SMTN: variants seen among roughly 807,000 people sequenced by gnomAD.
SMTN encodes the protein smoothelin.
In SMTN, 58 loss-of-function variants were observed where a neutral mutation model predicts 102.0. The ratio of observed to expected loss-of-function variants is 0.57; its 90% CI spans 0.46 to 0.71. The LOEUF is 0.71. SMTN is among the 30% of genes least tolerant of loss of function. The pLI is 0.00. For synonymous variants in SMTN, 478 were observed against 497.9 expected (o/e 0.96, Z 0.53); for missense variants, 1,185 against 1,241.7 (o/e 0.95, Z 0.69).
upstream of SMTN, among the ~76,000 whole-genome samples, chr22:31,079,094 C>T (rs1320204359): frequency 6.6e-6 from 1 of 152,202 alleles, no homozygotes; most frequent in African/African-American, 2.4e-5. Flanking sequence ...TCAGAGTGTA[C>T]CTATCTTGCA....
In SMTN at chr22:31,088,583, G is replaced by C. The variant is rs376723628; in HGVS notation, c.271G>C (p.Asp91His). Residue 91 changes from aspartate (D) to histidine (H), a missense_variant, in exon 4 of 21, where the codon GAT becomes CAT. Physicochemically the swap from Asp to His is moderately conservative, Grantham distance 81. This residue lies in a region of SMTN where 1,096 missense variants were observed against 1,112.7 expected (regional missense o/e 0.98). Coordinates refer to ENST00000333137, the MANE Select transcript of SMTN (RefSeq NM_134269.3). ...RLAGQLESMN[D>H]VEELTALLRS... ...GGCAGGGCAGCTGGAGTCCATGAACGATGTGGAGGAATTGACTGCACTGGT... is the reference window on the plus strand; with the variant it reads ...GGCAGGGCAGCTGGAGTCCATGAACCATGTGGAGGAATTGACTGCACTGGT... 4 of 1,613,790 alleles carry C rather than the reference G, an allele frequency of 2.5e-6. No homozygotes were observed. In the African/African-American group the frequency reaches 5.3e-5, roughly 22 times the overall value.
At chr22:31,082,862 G>C in intron 1 of SMTN, 2 of 1,533,522 alleles carry the variant, frequency 1.3e-6, no homozygotes, top group Non-Finnish European at 1.8e-6. Context: ...GGTGGGTCTT[G>C]CCAGGCCCTG....
rs1332140442 is a variant in SMTN at position 31,083,210 on chromosome 22, C to T, written c.-49C>T. 8.2e-6 allele frequency: 13 copies of T among 1,588,764 alleles called. No homozygotes were observed. The highest frequency in any genetic ancestry group is 4.0e-5 in the African/African-American group (3 of 74,838). ...CTGAGCTGGTGACAGGTGCCACAGG[C>T]ACTGGGGATCTCACCAGAAAGGAAC... On this transcript the variant is annotated 5_prime_UTR_variant, in exon 2 of 21. Coordinates refer to ENST00000333137, the MANE Select transcript of SMTN (RefSeq NM_134269.3).
chr22:31,083,116 G>A (rs1209607608), intron 1 of SMTN, 63 bp from the exon 2 acceptor site: 1 of 1,543,956 alleles, frequency 6.5e-7, no homozygotes, highest in Admixed American at 2.0e-5. Context: ...GTAAGGCACA[G>A]AGCCTAAGTG....
At chr22:31,085,187 T>G in intron 2 of SMTN, 1 of 1,535,456 alleles carries the variant, frequency 6.5e-7, no homozygotes, top group Non-Finnish European at 8.7e-7. Flanking sequence ...CTCAGCTGGG[T>G]GTCCTGGGGA....
Position 31,104,507 on chromosome 22 carries a change from C to G in SMTN, c.*212C>G. The G allele has an allele frequency of 6.2e-7, 1 of 1,603,464 alleles. No homozygotes were observed. The highest frequency in any genetic ancestry group is 8.5e-7 in the Non-Finnish European group (1 of 1,176,920). ...GGCCAGCCAGTGGCAAGCTGCCGCC[C>G]CCACTCTCCGGGCACCGTCTCCTGC... On this transcript the variant is annotated 3_prime_UTR_variant, in exon 21 of 21. Transcript: ENST00000333137.
rs776225172 is a variant in SMTN at position 31,100,932 on chromosome 22, G to T, written c.2651G>T (p.Arg884Leu). 6.2e-7 allele frequency: 1 copy of T among 1,612,070 alleles called. No individual in the cohort carries two copies. Among genetic ancestry groups the T allele is most frequent in the African/African-American group, 1.3e-5 (1 of 74,814 alleles). ...PQLLDTEDMV[R>L]LREPDWKCVY... ...CTCCTGGATACAGAGGACATGGTGCGGCTTCGAGAGCCTGACTGGAAGTGC... is the reference window on the plus strand; with the variant it reads ...CTCCTGGATACAGAGGACATGGTGCTGCTTCGAGAGCCTGACTGGAAGTGC... The change falls in exon 20 of 21, where the codon CGG (arginine) becomes CTG (leucine). Residue 884 changes from arginine to leucine, a missense_variant. Physicochemically the swap from Arg to Leu is moderately radical, Grantham distance 102 (BLOSUM62 -2). Transcript: ENST00000333137.
rs917446624 is a variant in SMTN at position 31,104,453 on chromosome 22, G to A, written c.*158G>A. The A allele has an allele frequency of 6.2e-7, 1 of 1,613,522 alleles. No homozygotes were observed. Among genetic ancestry groups the A allele is most frequent in the Non-Finnish European group, 8.5e-7 (1 of 1,180,000 alleles). ...CGACGCCACGAACTGCGCCTGCGCGGCAAGAATGTCTAGCCTGCCCGCCCG... is the reference window on the plus strand; with the variant it reads ...CGACGCCACGAACTGCGCCTGCGCGACAAGAATGTCTAGCCTGCCCGCCCG... On this transcript the variant is annotated 3_prime_UTR_variant, in exon 21 of 21. Coordinates refer to ENST00000333137, the MANE Select transcript of SMTN (RefSeq NM_134269.3).
At chr22:31,074,814 CA>C (rs1569232463) in intron 1 of SMTN, among the ~76,000 whole-genome samples, 3 of 152,102 alleles carry the variant, frequency 2.0e-5, no homozygotes, top group African/African-American at 7.2e-5. Flanking sequence ...ACAAAAACAA[CA>C]ACAACAACAA....
At chr22:31,100,850 T>TG in intron 19 of SMTN, 35 bp from the exon 20 acceptor site, 5 of 636,288 alleles carry the variant, frequency 7.9e-6, no homozygotes, top group East Asian at 9.4e-5. Context: ...CCTGCCCCCG[T>TG]CCCCCACCCC....
At chr22:31,096,236 C>T (rs1258048951) in intron 13 of SMTN, 3 of 161,698 alleles carry the variant, frequency 1.9e-5, no homozygotes, top group Non-Finnish European at 4.0e-5. Flanking sequence ...ACTAGCTTCT[C>T]TCCCAGCTAC....
Position 31,096,841 on chromosome 22 carries a change from C to A in SMTN, c.1970C>A (p.Ala657Glu). 1 of 1,574,654 alleles carries A rather than the reference C, an allele frequency of 6.4e-7. No homozygotes were observed. The highest frequency in any genetic ancestry group is 8.6e-7 in the Non-Finnish European group (1 of 1,157,370). ...TETTTRHSQRAADGSAVSTVT... is the reference protein window; with the variant it reads ...TETTTRHSQREADGSAVSTVT... ...ACCACCACGAGGCACAGCCAGCGGG[C>A]AGCTGATGGCTCTGCTGTCAGCACT... is the stretch of plus-strand genomic sequence containing the variant. The change falls in exon 14 of 21, where the codon GCA becomes GAA. Residue 657 changes from alanine (A) to glutamate (E), a missense_variant. Ala to Glu is a moderately radical substitution (Grantham distance 107, BLOSUM62 -1). Coordinates refer to ENST00000333137, the MANE Select transcript of SMTN (RefSeq NM_134269.3).
At chr22:31,098,946 A>T in intron 17 of SMTN, 106 bp downstream of exon 17, 1 of 1,545,140 alleles carries the variant, frequency 6.5e-7, no homozygotes, top group Non-Finnish European at 8.8e-7. Flanking sequence ...GCGCGGCTAG[A>T]TCTGTGGTGC....
chr22:31,069,161 T>C (rs1055746989), intron 1 of SMTN, among the ~76,000 whole-genome samples: 5 of 152,292 alleles, frequency 3.3e-5, no homozygotes, highest in Admixed American at 6.5e-5. Flanking sequence ...CTGGCCCCGC[T>C]CCAGAAGGAG....
chr22:31,079,626 A>C (rs1413949307), upstream of SMTN, among the ~76,000 whole-genome samples: 3 of 152,226 alleles, frequency 2.0e-5, no homozygotes, highest in East Asian at 5.8e-4. Context: ...AGGGCGCCTG[A>C]CCCTCGTTCT....
intron 1 of SMTN, chr22:31,082,617 A>G (rs1419076804): frequency 1.7e-6 from 1 of 593,134 alleles, no homozygotes; most frequent in South Asian, 1.5e-5. Context: ...GGGTGCCTGG[A>G]CACCTGGCTT....
In SMTN at chr22:31,090,876, C is replaced by T. The variant is rs1190373971; in HGVS notation, c.934C>T (p.Arg312Ter). 5.0e-6 allele frequency: 8 copies of T among 1,613,960 alleles called. No individual in the cohort carries two copies. Among genetic ancestry groups the T allele is most frequent in the South Asian group, 1.1e-5 (1 of 91,082 alleles). Residue 312 changes from arginine (R) to a stop codon, truncating the protein, a stop_gained, in exon 9 of 21, where the codon CGA becomes TGA. Coordinates refer to ENST00000333137, the MANE Select transcript of SMTN (RefSeq NM_134269.3). LOFTEE classifies it high-confidence loss of function. ...VLSPRQPAQN[R>*]ESTPLASGPS... is the part of the protein sequence containing the mutation. The stretch of plus-strand genomic sequence containing the variant: ...CAGCCCCCGCCAACCAGCCCAGAAC[C>T]GAGGTACTACCTATTCTCACCCTGC...
At position 31,095,212 on chromosome 22, in the gene SMTN, A is replaced by C. The variant is rs1049948615; in HGVS notation, c.1633-91A>C. The C allele has an allele frequency of 7.3e-7, 1 of 1,366,994 alleles. No individual in the cohort carries two copies. The highest frequency in any genetic ancestry group is 1.4e-5 in the African/African-American group (1 of 69,564). The allele number at this position is 1,366,994 out of a possible 1,614,324, so 84.7% of individuals were successfully genotyped here. A position where few individuals can be genotyped will look rare whatever the true frequency, so the allele number is the denominator to read the frequency against. On this transcript the variant is annotated intron_variant, in intron 11 of 20. Transcript: ENST00000333137. This position sits in a 1 kb window ranked among gnomAD's most constrained non-coding sequence, Gnocchi z 4.1. The stretch of plus-strand genomic sequence containing the variant: ...GTGGTTATTTCCAAGGCGTGCCAGC[A>C]ACCCTAGGATCTGCTTCCCTATCCA...
In SMTN at chr22:31,095,855, C is replaced by T. The variant is rs1231345095; in HGVS notation, c.1861+246C>T. ...CAGCTTCTCTTCTCCTTCCTAGACCCAGATACTCCCTCCCGCAGCTACTCT... is the reference window on the plus strand; with the variant it reads ...CAGCTTCTCTTCTCCTTCCTAGACCTAGATACTCCCTCCCGCAGCTACTCT... On this transcript the variant is annotated intron_variant, in intron 13 of 20. Coordinates refer to ENST00000333137, the MANE Select transcript of SMTN (RefSeq NM_134269.3). The surrounding 1 kb of genome is among the most constrained non-coding windows in gnomAD (Gnocchi z 4.1). 1.8e-6 allele frequency: 1 copy of T among 567,144 alleles called. No individual in the cohort carries two copies. The highest frequency in any genetic ancestry group is 3.1e-6 in the Non-Finnish European group (1 of 319,126). 35.1% of individuals were successfully genotyped at this position (567,144 alleles called of 1,614,324 possible). A position where few individuals can be genotyped will look rare whatever the true frequency, so the allele number is the denominator to read the frequency against.
Sources: gnomAD v4.1 joint callset for allele counts (sites outside exome capture counted in the v4.1 genomes callset) on GRCh38, gnomAD v4.1.1 for gene constraint, gnomAD v4.1.1 regional missense constraint, Gnocchi (gnomAD v3.1) non-coding constraint, MANE v1.5 for transcripts, NCBI Gene and HGNC (gene_info 2026-07-23, HGNC 2026-07-21) for gene names.